Variants in VWA5B1 observed in about 807,000 individuals in gnomAD.
VWA5B1 encodes the protein von Willebrand factor A domain containing 5B1, also known as von Willebrand factor A domain-containing protein 5B1.
A neutral mutation model predicts 118.2 loss-of-function variants in VWA5B1; 115 were observed. The ratio of observed to expected loss-of-function variants is 0.97; its 90% CI spans 0.84 to 1.14. VWA5B1 has a LOEUF of 1.14. Ranked by LOEUF, VWA5B1 falls within the 50% of genes most tolerant of loss-of-function variation. The pLI is 0.00. For missense variants in VWA5B1, 1,596 were observed against 1,603.8 expected (o/e 1.00, Z 0.08); for synonymous variants, 682 against 658.4 (o/e 1.04, Z -0.55).
chr1:20,301,030 C>T (rs116712128), intron 1 of VWA5B1, among the ~76,000 whole-genome samples: 2,267 of 152,310 alleles, frequency 0.015, 54 homozygotes, highest in African/African-American at 0.05. Context: ...GTGGAGGGGG[C>T]GCATTGTGTA....
chr1:20,352,074 A>T lies in VWA5B1; in HGVS notation c.3043A>T (p.Arg1015Trp). 1 of 1,551,290 alleles carries T rather than the reference A, an allele frequency of 6.4e-7. No individual in the cohort carries two copies. The highest frequency in any genetic ancestry group is 8.7e-7 in the Non-Finnish European group (1 of 1,146,906). ...FGSWLNLNKS[R>W]LLTRAAKGFL... ...GCACAGGCTAAATCTCAACAAGTCC[A>T]GGCTACTGACGCGAGCAGCCAAGGG... Residue 1015 changes from arginine to tryptophan, a missense_variant, in exon 21 of 22, where the codon AGG becomes TGG. Arg to Trp is a moderately radical substitution (Grantham distance 101). Transcript: ENST00000289815.
intron 14 of VWA5B1, chr1:20,338,049 T>G: frequency 1.4e-6 from 1 of 699,910 alleles, no homozygotes; most frequent in Non-Finnish European, 2.6e-6. Context: ...GCTCATTCCC[T>G]GCACACACAC....
rs1051599456 is a variant in VWA5B1 at position 20,336,465 on chromosome 1, G to A, written c.1921G>A (p.Gly641Arg). The change falls in exon 13 of 22, where the codon GGA (glycine) becomes AGA (arginine). Residue 641 changes from glycine to arginine, a missense_variant. Physicochemically the swap from Gly to Arg is moderately radical, Grantham distance 125. Coordinates refer to ENST00000289815, the MANE Select transcript of VWA5B1 (RefSeq NM_001039500.3). ...GGCCAAAAATGCCCGGCTAGCCAGCGGAGACTCTACCACCAAGCACGGTTC... is the reference window on the plus strand; with the variant it reads ...GGCCAAAAATGCCCGGCTAGCCAGCAGAGACTCTACCACCAAGCACGGTTC... ...GQAKNARLAS[G>R]DSTTKHDLNL... The A allele has an allele frequency of 2.9e-5, 43 of 1,463,028 alleles. No homozygotes were observed. In the East Asian group the frequency reaches 6.1e-4, roughly 21 times the overall value. 90.6% of individuals were successfully genotyped at this position (1,463,028 alleles called of 1,614,324 possible).
At chr1:20,293,081 A>C (rs901990369) in intron 1 of VWA5B1, among the ~76,000 whole-genome samples, 1 of 152,188 alleles carries the variant, frequency 6.6e-6, no homozygotes, top group African/African-American at 2.4e-5. Flanking sequence ...AAGTTGTCCT[A>C]GCTGGGAGGA....
chr1:20,349,759 A>G (rs1442766146), intron 18 of VWA5B1, among the ~76,000 whole-genome samples: 2 of 136,892 alleles, frequency 1.5e-5, no homozygotes, highest in East Asian at 2.1e-4. Flanking sequence ...TTTTTGAGAC[A>G]GGGCCCGTAG....
chr1:20,332,899 T>C lies in VWA5B1; in HGVS notation c.1706T>C (p.Val569Ala). ...ASSLFPGERL[V>A]GYGIVCDASL... ...TCCCTCTTCCCTGGAGAACGGCTGG[T>C]GGGGTATGGCATTGTATGTGATGCT... Residue 569 changes from valine to alanine, a missense_variant, in exon 12 of 22, where the codon GTG (valine) becomes GCG (alanine). Val to Ala is a moderately conservative substitution (Grantham distance 64). Coordinates refer to ENST00000289815, the MANE Select transcript of VWA5B1 (RefSeq NM_001039500.3). The C allele has an allele frequency of 6.4e-7, 1 of 1,551,524 alleles. No homozygotes were observed. The highest frequency in any genetic ancestry group is 8.7e-7 in the Non-Finnish European group (1 of 1,147,014).
rs2089281927 is a variant in VWA5B1 at position 20,323,411 on chromosome 1, T to C, written c.1022T>C (p.Met341Thr). The stretch of plus-strand genomic sequence containing the variant: ...GACATTCCCCACCACTCCGTCATCA[T>C]GCTCAACTTCTGTCCCGACCTCCAG... ...HKDIPHHSVI[M>T]LNFCPDLQSV... Residue 341 changes from methionine to threonine, a missense_variant, in exon 8 of 22, where the codon ATG becomes ACG. Met to Thr is a moderately conservative substitution (Grantham distance 81). Transcript: ENST00000289815. 5 of 1,531,644 alleles carry C rather than the reference T, an allele frequency of 3.3e-6. No homozygotes were observed. Among genetic ancestry groups the C allele is most frequent in the Admixed American group, 2.1e-5 (1 of 47,508 alleles). 94.9% of individuals were successfully genotyped at this position (1,531,644 alleles called of 1,614,324 possible).
intron 21 of VWA5B1, among the ~76,000 whole-genome samples, chr1:20,352,853 A>G (rs1325834606): frequency 6.6e-6 from 1 of 152,218 alleles, no homozygotes; most frequent in Non-Finnish European, 1.5e-5. Flanking sequence ...CTCAACAAGT[A>G]TTTATTGAGT....
At position 20,330,208 on chromosome 1, in the gene VWA5B1, T is replaced by C. The variant is rs759911822; in HGVS notation, c.1283T>C (p.Ile428Thr). The C allele has an allele frequency of 2.6e-6, 4 of 1,551,556 alleles. No homozygotes were observed. In the South Asian group the frequency reaches 3.6e-5, roughly 14 times the overall value. Residue 428 changes from isoleucine to threonine, a missense_variant, in exon 10 of 22, where the codon ATC becomes ACC. Ile to Thr is a moderately conservative substitution (Grantham distance 89). Transcript: ENST00000289815. Reference protein sequence around the residue: ...EDSLAMACDDIQRMKADMGGT... With the variant: ...EDSLAMACDDTQRMKADMGGT... ...AGCTTGGCCATGGCTTGTGATGACA[T>C]CCAGAGAATGAAGGCCGACATGGGT...
intron 17 of VWA5B1, among the ~76,000 whole-genome samples, chr1:20,345,796 G>A (rs958851847): frequency 2.0e-5 from 3 of 152,222 alleles, no homozygotes; most frequent in East Asian, 1.9e-4. Flanking sequence ...TGCAGAGGCC[G>A]TTAAATCACC....
intron 9 of VWA5B1, among the ~76,000 whole-genome samples, chr1:20,329,204 C>T (rs1041970067): frequency 2.0e-5 from 3 of 151,330 alleles, no homozygotes; most frequent in African/African-American, 7.3e-5. Flanking sequence ...TAATTCCTAG[C>T]CTTGCTGGCT....
In VWA5B1 at chr1:20,291,359, T is replaced by TTCTTTCTTTCTCTCTCTC. The variant is rs1381113890; in HGVS notation, c.-27+274_-27+275insTTCTTTCTCTCTCTCTCT. On this transcript the variant is annotated intron_variant, in intron 1 of 21. Coordinates refer to ENST00000289815, the MANE Select transcript of VWA5B1 (RefSeq NM_001039500.3). ...TCTCTCTCTTTCTTTCTTTCTTTCT[T>TTCTTTCTTTCTCTCTCTC]TCTCTCTCTCTCTCTCTCTCTCTCT... 1.8e-4 allele frequency among the ~76,000 whole-genome samples: 19 copies of TTCTTTCTTTCTCTCTCTC among 103,406 alleles called. No individual in the cohort carries two copies. In the East Asian group the frequency reaches 4.8e-3, roughly 26 times the overall value. 67.8% of individuals were successfully genotyped at this position (103,406 alleles called of 152,430 possible). A position where few individuals can be genotyped will look rare whatever the true frequency, so the allele number is the denominator to read the frequency against.
At chr1:20,321,218 AG>A (rs1026936862) in intron 7 of VWA5B1, among the ~76,000 whole-genome samples, 6 of 151,968 alleles carry the variant, frequency 3.9e-5, no homozygotes, top group African/African-American at 7.2e-5. Flanking sequence ...AATAAATCTT[AG>A]GGGGGCAATA....
In VWA5B1 at chr1:20,327,876, T is replaced by A; in HGVS notation, c.1144-14T>A. The stretch of plus-strand genomic sequence containing the variant: ...TCCTTCCTGAATCCTGAAAACCCCT[T>A]TCTCTCCTGCCAGGATGCCATGTTG... On this transcript the variant is annotated splice_polypyrimidine_tract_variant and intron_variant, in intron 8 of 21. Transcript: ENST00000289815. 1.3e-6 allele frequency: 2 copies of A among 1,550,164 alleles called. No individual in the cohort carries two copies. The highest frequency in any genetic ancestry group is 1.7e-6 in the Non-Finnish European group (2 of 1,145,768).
rs1570035936 is a variant in VWA5B1, at chr1:20,295,716, A to G, written c.-27+4628A>G. 2.0e-5 allele frequency among the ~76,000 whole-genome samples: 3 copies of G among 152,078 alleles called. No individual in the cohort carries two copies. In the South Asian group the frequency reaches 6.2e-4, roughly 32 times the overall value. ...GCAGGCAGCTGGAGTGATGGTCCCA[A>G]CCCAGCCTAGAATGTGGCCATTGAG... is the stretch of plus-strand genomic sequence containing the variant. On this transcript the variant is annotated intron_variant, in intron 1 of 21. Coordinates refer to ENST00000289815, the MANE Select transcript of VWA5B1 (RefSeq NM_001039500.3).
At chr1:20,330,790 G>T (rs935252261) in intron 10 of VWA5B1, 79 bp from the exon 11 acceptor site, 2 of 1,381,170 alleles carry the variant, frequency 1.4e-6, no homozygotes, top group Admixed American at 3.9e-5. Flanking sequence ...GCCAGACCAT[G>T]CTCTGTCCCT....
intron 1 of VWA5B1, chr1:20,303,019 C>T (rs1276472535): frequency 6.6e-6 from 1 of 152,148 alleles, no homozygotes; most frequent in Non-Finnish European, 1.5e-5. Context: ...ATACGAGAAG[C>T]CCAGAATTCT....
intron 1 of VWA5B1, among the ~76,000 whole-genome samples, chr1:20,293,740 T>G (rs983058464): frequency 2.6e-5 from 4 of 152,142 alleles, no homozygotes; most frequent in African/African-American, 7.2e-5. Flanking sequence ...TGCACAAGTC[T>G]TTTCATCCTA....
rs866057055 is a variant in VWA5B1, at chr1:20,342,374, C to T, written c.2134-58C>T. On this transcript the variant is annotated intron_variant, in intron 14 of 21. Transcript: ENST00000289815. ...ACCAGGAGCTCTTCCTCCTCCTTCT[C>T]CTCCTCCTCCTCCTCCTCGTCCTCC... 2.5e-5 allele frequency: 23 copies of T among 904,190 alleles called. 1 individual carries two copies. Among genetic ancestry groups the T allele is most frequent in the Middle Eastern group, 3.6e-4 (1 of 2,778 alleles). 56.0% of individuals were successfully genotyped at this position (904,190 alleles called of 1,614,324 possible). A position where few individuals can be genotyped will look rare whatever the true frequency, so the allele number is the denominator to read the frequency against.
Sources: gnomAD v4.1 joint callset for allele counts (sites outside exome capture counted in the v4.1 genomes callset) on GRCh38, gnomAD v4.1.1 for gene constraint, MANE v1.5 for transcripts, NCBI Gene and HGNC (gene_info 2026-07-23, HGNC 2026-07-21) for gene names.